CNOT1: variants seen among roughly 807,000 people sequenced by gnomAD.
The protein encoded by CNOT1 is CCR4-NOT transcription complex subunit 1.
In CNOT1, 15 loss-of-function variants were observed where a neutral mutation model predicts 273.8. The ratio of observed to expected loss-of-function variants is 0.05; its 90% CI spans 0.04 to 0.08. The LOEUF (loss-of-function observed/expected upper bound fraction) is 0.08. Ranked by LOEUF, CNOT1 falls within the 10% of genes least tolerant of loss-of-function variation. The probability of loss-of-function intolerance (pLI) is 1.00; values close to 1 mark genes in which losing one functional copy is unlikely to be tolerated. For missense variants in CNOT1, 1,644 were observed against 2,912.2 expected (o/e 0.56, Z 10.02); for synonymous variants, 1,022 against 1,005.5 (o/e 1.02, Z -0.31).
At chr16:58,537,340 C>T in intron 38 of CNOT1, 120 bp from the exon 39 acceptor site, 1 of 1,397,656 alleles carries the variant, frequency 7.2e-7, no homozygotes, top group Non-Finnish European at 9.5e-7. Context: ...CTTCGCTTTA[C>T]CACTTCCACA....
intron 1 of CNOT1, among the ~76,000 whole-genome samples, chr16:58,619,159 C>T (rs1271101400): frequency 6.6e-6 from 1 of 151,786 alleles, no homozygotes; most frequent in Non-Finnish European, 1.5e-5. Flanking sequence ...CATGATCGTG[C>T]CACTGCACTC....
At chr16:58,537,523 T>C (rs1215538371) in intron 38 of CNOT1, among the ~76,000 whole-genome samples, 1 of 152,268 alleles carries the variant, frequency 6.6e-6, no homozygotes, top group Non-Finnish European at 1.5e-5. Flanking sequence ...ATGCTTTCTT[T>C]ACGTTACTTC....
intron 1 of CNOT1, among the ~76,000 whole-genome samples, chr16:58,600,450 G>A (rs1485049164): frequency 5.9e-5 from 9 of 152,164 alleles, no homozygotes; most frequent in Admixed American, 5.9e-4. Context: ...AGCAGCAAGT[G>A]GAAACTTACT....
At position 58,541,561 on chromosome 16, in the gene CNOT1, A is replaced by G. The variant is rs985718876; in HGVS notation, c.4740T>C (p.Pro1580=). The change falls in exon 34 of 49, where the codon CCT becomes CCC. Residue 1580 remains proline (P), a synonymous_variant. Coordinates refer to ENST00000317147, the MANE Select transcript of CNOT1 (RefSeq NM_016284.5). ...TTAAGTCATTTGTAGGTAAGAAGCC[A>G]GGAACATTGCGTGCAAACTCTTCGT... The part of the protein sequence containing the change: ...AVYEEFARNV[P]GFLPTNDLSQ... 1 of 1,614,158 alleles carries G rather than the reference A, an allele frequency of 6.2e-7. No homozygotes were observed.
chr16:58,618,356 GAT>G (rs2043170954), intron 1 of CNOT1, among the ~76,000 whole-genome samples: 1 of 152,160 alleles, frequency 6.6e-6, no homozygotes, highest in African/African-American at 2.4e-5. Context: ...GGCTGAAGTG[GAT>G]GGATCACGAG....
chr16:58,612,193 AC>A (rs2042926014), intron 1 of CNOT1, among the ~76,000 whole-genome samples: 1 of 152,132 alleles, frequency 6.6e-6, no homozygotes, highest in African/African-American at 2.4e-5. Context: ...GCAATGTTCT[AC>A]CAGCTACCTT....
chr16:58,581,373 T>C lies in CNOT1; in HGVS notation c.1187A>G (p.Tyr396Cys). ...GMEVFPVDLIYRPWKHAEGQL... is the reference protein window; with the variant it reads ...GMEVFPVDLICRPWKHAEGQL... ...GCCTTCAGCATGTTTCCAAGGTCTA[T>C]ATATGAGGTCTACTGGGAACACTTC... is the stretch of plus-strand genomic sequence containing the variant. The change falls in exon 11 of 49, where the codon TAT becomes TGT. Residue 396 changes from tyrosine to cysteine, a missense_variant. Around this residue, in one of 13 missense-constraint regions of CNOT1, gnomAD observed 706 missense variants for 1,021.2 expected, o/e 0.69. Transcript: ENST00000317147. 1.2e-6 allele frequency: 2 copies of C among 1,613,254 alleles called. No individual in the cohort carries two copies. Among genetic ancestry groups the C allele is most frequent in the Non-Finnish European group, 1.7e-6 (2 of 1,179,730 alleles).
intron 13 of CNOT1, 49 bp from the exon 14 acceptor site, chr16:58,576,631 T>C: frequency 1.2e-6 from 2 of 1,609,264 alleles, no homozygotes; most frequent in Non-Finnish European, 1.7e-6. Context: ...AACACTGTGA[T>C]AGATATTATT....
In CNOT1 at chr16:58,551,650, G is replaced by A. The variant is rs2040452801; in HGVS notation, c.3140C>T (p.Thr1047Ile). The A allele has an allele frequency of 3.7e-6, 6 of 1,614,104 alleles. No individual in the cohort carries two copies. Among genetic ancestry groups the A allele is most frequent in the African/African-American group, 1.3e-5 (1 of 74,942 alleles). The change falls in exon 23 of 49, where the codon ACT becomes ATT. Residue 1047 changes from threonine to isoleucine, a missense_variant. Thr to Ile is a moderately conservative substitution (Grantham distance 89). Around this residue, in one of 13 missense-constraint regions of CNOT1, gnomAD observed 77 missense variants for 90.5 expected, o/e 0.85. Transcript: ENST00000317147. The part of the protein sequence containing the change: ...STMVTTSTTT[T>I]VAKTVTVTRP... ...GGTGACCGTAACCGTTTTAGCAACA[G>A]TGGTAGTTGTTGAGGTGGTTACCAT...
intron 39 of CNOT1, 52 bp from the exon 40 acceptor site, chr16:58,534,447 A>T (rs1322203747): frequency 6.3e-7 from 1 of 1,578,292 alleles, no homozygotes; most frequent in Non-Finnish European, 8.6e-7. Flanking sequence ...ACACAAATAA[A>T]CTTCATATAC....
intron 35 of CNOT1, among the ~76,000 whole-genome samples, chr16:58,539,368 C>G (rs2040007471): frequency 6.6e-6 from 1 of 151,868 alleles, no homozygotes; most frequent in African/African-American, 2.4e-5. Context: ...CAGTGAGCAC[C>G]TGTAATACCA....
rs2040710267 is a variant in CNOT1, at chr16:58,558,344, GAAGTAGCTTTCACAATTTCATTT to G, written c.2332+106_2332+128del. On this transcript the variant is annotated intron_variant, in intron 18 of 48. Transcript: ENST00000317147. ...TTTTCTTTTCCCAACTTTGGATACT[GAAGTAGCTTTCACAATTTCATTT>G]AAGCAGCTTTCCTTATCACAGTGAC... The G allele has an allele frequency of 4.8e-6, 7 of 1,471,420 alleles. No homozygotes were observed. The African/African-American group carries it at 9.8e-5, about 21-fold the overall frequency. The allele number at this position is 1,471,420 out of a possible 1,614,324, so 91.1% of individuals were successfully genotyped here.
chr16:58,594,615 C>T (rs2042184218), intron 2 of CNOT1, among the ~76,000 whole-genome samples: 1 of 150,840 alleles, frequency 6.6e-6, no homozygotes, highest in Non-Finnish European at 1.5e-5. Flanking sequence ...ACCAACCTGA[C>T]CTACATGGTG....
At chr16:58,556,789 T>A in intron 19 of CNOT1, 58 bp downstream of exon 19, 1 of 1,584,574 alleles carries the variant, frequency 6.3e-7, no homozygotes, top group South Asian at 1.2e-5. Flanking sequence ...AAATGAGACA[T>A]ACAACTAAAC....
At position 58,536,865 on chromosome 16, in the gene CNOT1, T is replaced by C. The variant is rs2039945397; in HGVS notation, c.5646+124A>G. ...AATTTAACCATATAATGATGACAGT[T>C]TGGGTTTGCATGAGTATGGAGGTAA... On this transcript the variant is annotated intron_variant, in intron 39 of 48. Coordinates refer to ENST00000317147, the MANE Select transcript of CNOT1 (RefSeq NM_016284.5). 2.1e-6 allele frequency: 3 copies of C among 1,409,524 alleles called. No individual in the cohort carries two copies. The East Asian group carries it at 7.3e-5, about 35-fold the overall frequency. 87.3% of individuals were successfully genotyped at this position (1,409,524 alleles called of 1,614,324 possible).
chr16:58,529,043 T>C (rs2039689721), intron 43 of CNOT1, among the ~76,000 whole-genome samples: 1 of 151,622 alleles, frequency 6.6e-6, no homozygotes, highest in African/African-American at 2.4e-5. Flanking sequence ...CCCAAGTTAG[T>C]TATTAGAAAA....
At chr16:58,600,601 T>C (rs116302906) in intron 1 of CNOT1, among the ~76,000 whole-genome samples, 89 of 152,310 alleles carry the variant, frequency 5.8e-4, no homozygotes, top group African/African-American at 2.0e-3. Context: ...TTTGGTCTTA[T>C]ACCTTGGGAT....
At chr16:58,584,167 CAAA>C (rs146436937) in intron 8 of CNOT1, among the ~76,000 whole-genome samples, 1 of 97,596 alleles carries the variant, frequency 1.0e-5, no homozygotes. Flanking sequence ...CACTCCGTCT[CAAA>C]AAAAAAAAAA....
At chr16:58,525,570 C>T (rs191612446) in intron 45 of CNOT1, among the ~76,000 whole-genome samples, 53 of 152,196 alleles carry the variant, frequency 3.5e-4, no homozygotes, top group African/African-American at 1.2e-3. Context: ...CTCAGGAAGC[C>T]GAAGCTCAAG....
Sources: gnomAD v4.1 joint callset for allele counts (sites outside exome capture counted in the v4.1 genomes callset) on GRCh38, gnomAD v4.1.1 for gene constraint, gnomAD v4.1.1 regional missense constraint, MANE v1.5 for transcripts, NCBI Gene and HGNC (gene_info 2026-07-23, HGNC 2026-07-21) for gene names.